Variants in ACVR2A observed in about 807,000 individuals in gnomAD.
ACVR2A encodes activin receptor type-2A.
Under a neutral mutation model 61.4 loss-of-function variants are expected in ACVR2A, and 7 were observed. That is an observed-to-expected ratio of 0.11 (90% confidence interval 0.06 to 0.21). The LOEUF is 0.21. Among genes scored for constraint, ACVR2A ranks in the 10% least tolerant of loss-of-function variants. The pLI is 1.00. For synonymous variants in ACVR2A, 193 were observed against 208.3 expected (o/e 0.93, Z 0.63); for missense variants, 322 against 621.7 (o/e 0.52, Z 5.13).
chr2:147,871,977 A>T (rs1686031905), intron 1 of ACVR2A, among the ~76,000 whole-genome samples: 1 of 152,094 alleles, frequency 6.6e-6, no homozygotes. Flanking sequence ...ACCGTATTAC[A>T]GATTTTTATT....
rs190611757 is a variant in ACVR2A, at chr2:147,867,537, C to A, written c.55+22330C>A. 3.9e-5 allele frequency among the ~76,000 whole-genome samples: 6 copies of A among 152,168 alleles called. No individual in the cohort carries two copies. In the East Asian group the frequency reaches 1.2e-3, roughly 29 times the overall value. On this transcript the variant is annotated intron_variant, in intron 1 of 10. Coordinates refer to ENST00000241416, the MANE Select transcript of ACVR2A (RefSeq NM_001616.5). ...TACCAATGTGTTAGTTCCATCCTTA[C>A]CATCTCGTATCTGGACTCTTTAAGT...
chr2:147,895,533 C>T (rs1686709761), intron 1 of ACVR2A, among the ~76,000 whole-genome samples: 1 of 151,966 alleles, frequency 6.6e-6, no homozygotes, highest in South Asian at 2.1e-4. Flanking sequence ...TGGAATTGCT[C>T]CTGAGAAGAG....
intron 7 of ACVR2A, among the ~76,000 whole-genome samples, chr2:147,918,820 T>C (rs1225059365): frequency 6.6e-6 from 1 of 152,084 alleles, no homozygotes; most frequent in Non-Finnish European, 1.5e-5. Context: ...ATCTCATTTC[T>C]GAAAGCATGA....
Position 147,928,054 on chromosome 2 carries a change from A to AG in ACVR2A, c.*783dup, listed in dbSNP as rs1687547294. 1 of 152,310 alleles carries AG rather than the reference A, an allele frequency of 6.6e-6. No individual in the cohort carries two copies. 9.4% of individuals were successfully genotyped at this position (152,310 alleles called of 1,614,324 possible). On this transcript the variant is annotated 3_prime_UTR_variant, in exon 11 of 11. Coordinates refer to ENST00000241416, the MANE Select transcript of ACVR2A (RefSeq NM_001616.5). ...CATTTCTTGTGCTGGCTTGTAATGT[A>AG]GGGAAAAAAAGTGCTGTTTTTTGAA...
chr2:147,905,567 T>G (rs1289824917), intron 4 of ACVR2A, among the ~76,000 whole-genome samples: 1 of 152,060 alleles, frequency 6.6e-6, no homozygotes, highest in Non-Finnish European at 1.5e-5. Flanking sequence ...TGTGTGTGTG[T>G]GTGGGTGTGT....
intron 4 of ACVR2A, among the ~76,000 whole-genome samples, chr2:147,910,356 TC>T (rs564909018): frequency 5.5e-4 from 84 of 152,260 alleles, no homozygotes; most frequent in African/African-American, 1.9e-3. Flanking sequence ...ATCTGAGAGA[TC>T]CTTGAGCCTT....
At chr2:147,926,230 T>G (rs1465218083) in intron 10 of ACVR2A, 69 bp downstream of exon 10, 3 of 1,533,086 alleles carry the variant, frequency 2.0e-6, no homozygotes, top group Non-Finnish European at 2.7e-6. Context: ...TATTTATCTC[T>G]GCACATTTCT....
chr2:147,912,933 A>G (rs1186098196), intron 4 of ACVR2A, among the ~76,000 whole-genome samples: 1 of 151,800 alleles, frequency 6.6e-6, no homozygotes, highest in Non-Finnish European at 1.5e-5. Context: ...TGACAACAAT[A>G]TTTGTTCTGG....
chr2:147,925,969 C>A, intron 9 of ACVR2A, 62 bp from the exon 10 acceptor site: 1 of 1,538,192 alleles, frequency 6.5e-7, no homozygotes, highest in Non-Finnish European at 8.8e-7. Flanking sequence ...AAAGTTTGTA[C>A]CAGTTTGAAA....
chr2:147,848,389 A>G (rs1411622224), intron 1 of ACVR2A, among the ~76,000 whole-genome samples: 1 of 152,022 alleles, frequency 6.6e-6, no homozygotes, highest in Non-Finnish European at 1.5e-5. Context: ...TCCATGGGAC[A>G]TTTGGAGACA....
At chr2:147,862,177 T>C (rs1895694) in intron 1 of ACVR2A, among the ~76,000 whole-genome samples, 58,866 of 151,968 alleles carry the variant, frequency 0.39, 11,882 homozygotes, top group South Asian at 0.5. Flanking sequence ...GCTTTGCAGA[T>C]AATCTTTGTA....
intron 1 of ACVR2A, among the ~76,000 whole-genome samples, chr2:147,858,827 CTTTA>C (rs1278236835): frequency 1.3e-5 from 2 of 152,062 alleles, no homozygotes; most frequent in Non-Finnish European, 2.9e-5. Context: ...TCCAGTAAAA[CTTTA>C]TTTGTGGGCA....
chr2:147,897,873 A>T (rs1000795004), intron 2 of ACVR2A, among the ~76,000 whole-genome samples: 6 of 152,196 alleles, frequency 3.9e-5, no homozygotes, highest in African/African-American at 1.2e-4. Context: ...TGCTAACAGA[A>T]GTGGTCAAGT....
At chr2:147,917,247 C>T (rs151279676) in intron 5 of ACVR2A, 36 bp from the exon 6 acceptor site, 2 of 1,598,722 alleles carry the variant, frequency 1.3e-6, no homozygotes, top group Non-Finnish European at 8.5e-7. Context: ...AACCTGTATT[C>T]CTTGTGTTCT....
At chr2:147,917,253 G>T in intron 5 of ACVR2A, 30 bp from the exon 6 acceptor site, 2 of 1,604,816 alleles carry the variant, frequency 1.2e-6, no homozygotes, top group Non-Finnish European at 8.5e-7. Flanking sequence ...TATTCCTTGT[G>T]TTCTTACTAT....
rs1024845735 is a variant in ACVR2A, at chr2:147,899,665, A to C, written c.374-79A>C. 1.9e-6 allele frequency: 3 copies of C among 1,589,036 alleles called. No individual in the cohort carries two copies. The African/African-American group carries it at 4.1e-5, about 21-fold the overall frequency. On this transcript the variant is annotated intron_variant, in intron 3 of 10. Transcript: ENST00000241416. ...ATAATTTGCCCCTACCTCTTCCCCA[A>C]AATTTGAGACTATGACAGATATTTA... is the stretch of plus-strand genomic sequence containing the variant.
At chr2:147,845,260 G>T in intron 1 of ACVR2A, 53 bp downstream of exon 1, 14 of 1,551,522 alleles carry the variant, frequency 9.0e-6, no homozygotes, top group Admixed American at 1.7e-5. Context: ...CGCGGCGGCC[G>T]CTGCTGGGGG....
chr2:147,928,119 C>T lies in ACVR2A; in HGVS notation c.*845C>T, dbSNP rs1687549741. The T allele has an allele frequency of 6.6e-6, 1 of 152,036 alleles. No homozygotes were observed. Among genetic ancestry groups the T allele is most frequent in the African/African-American group, 2.4e-5 (1 of 41,324 alleles). The allele number at this position is 152,036 out of a possible 1,614,324, so 9.4% of individuals were successfully genotyped here. On this transcript the variant is annotated 3_prime_UTR_variant, in exon 11 of 11. Coordinates refer to ENST00000241416, the MANE Select transcript of ACVR2A (RefSeq NM_001616.5). The stretch of plus-strand genomic sequence containing the variant: ...TCCCCCTTCTTCCCATGTTTTAAAG[C>T]CCCATCTTATATCCAGTTCCCAAAA...
chr2:147,845,027 T>TTTTTTTTTTTTGG, upstream of ACVR2A: 1 of 241,322 alleles, frequency 4.1e-6, no homozygotes, highest in Non-Finnish European at 8.1e-6. Flanking sequence ...TTTTTTTTTT[T>TTTTTTTTTTTTGG]GGTCTGGGCT....
Sources: gnomAD v4.1 joint callset for allele counts (sites outside exome capture counted in the v4.1 genomes callset) on GRCh38, gnomAD v4.1.1 for gene constraint, MANE v1.5 for transcripts, NCBI Gene and HGNC (gene_info 2026-07-23, HGNC 2026-07-21) for gene names.